The following GALNT17 variants were observed in gnomAD, a reference collection of about 807,000 sequenced individuals.
GALNT17 encodes UDP-GalNAc:polypeptide N-acetylgalactosaminyltransferase-like 3.
Under a neutral mutation model 63.7 loss-of-function variants are expected in GALNT17, and 29 were observed. That is an observed-to-expected ratio of 0.46 (90% CI 0.34 to 0.62). GALNT17 has a LOEUF of 0.62. GALNT17 is among the 20% of genes least tolerant of loss of function. The pLI, the probability that GALNT17 is intolerant of heterozygous loss-of-function variation, is 0.01. For missense variants in GALNT17, 603 were observed against 799.6 expected (o/e 0.75, Z 2.97); for synonymous variants, 305 against 318.3 (o/e 0.96, Z 0.45).
chr7:71,646,401 C>G (rs1790676539), intron 6 of GALNT17, among the ~76,000 whole-genome samples: 1 of 152,176 alleles, frequency 6.6e-6, no homozygotes, highest in Non-Finnish European at 1.5e-5. Flanking sequence ...GCACCAGCAG[C>G]CCCAGCCACA....
chr7:71,463,090 G>A lies in GALNT17; in HGVS notation c.962+41985G>A, dbSNP rs542822766. ...AGGGTTCTGGAATGGGCTGAAGTGT[G>A]GAGATTGTTGATTGGTGGAAGAGTG... is the stretch of plus-strand genomic sequence containing the variant. On this transcript the variant is annotated intron_variant, in intron 5 of 10. Transcript: ENST00000333538. Among the ~76,000 whole-genome samples the A allele has an allele frequency of 3.8e-4, 58 of 152,308 alleles. 1 individual carries two copies. Among genetic ancestry groups the A allele is most frequent in the Non-Finnish European group, 7.2e-4 (49 of 68,040 alleles).
chr7:71,300,477 G>T (rs372224549), intron 1 of GALNT17: 9 of 452,632 alleles, frequency 2.0e-5, no homozygotes, highest in South Asian at 1.1e-4. Flanking sequence ...GGATGTTCAT[G>T]AGCTTGGACA....
chr7:71,685,790 T>C (rs561446804), intron 9 of GALNT17: 10 of 152,206 alleles, frequency 6.6e-5, no homozygotes, highest in African/African-American at 2.4e-4. Flanking sequence ...TTAGGCCATA[T>C]AGGTGGTGAT....
chr7:71,446,057 T>G lies in GALNT17; in HGVS notation c.962+24952T>G, dbSNP rs186813075. 5.3e-3 allele frequency among the ~76,000 whole-genome samples: 811 copies of G among 152,264 alleles called. 3 individuals are homozygous for G. The highest frequency in any genetic ancestry group is 8.0e-3 in the Non-Finnish European group (541 of 68,030). On this transcript the variant is annotated intron_variant, in intron 5 of 10. Coordinates refer to ENST00000333538, the MANE Select transcript of GALNT17 (RefSeq NM_022479.3). ...GCAGAGGCTTAAATCTTAAATTATA[T>G]GAGGAGGGAGGAGCAGAGGCTGGCA...
intron 5 of GALNT17, among the ~76,000 whole-genome samples, chr7:71,528,305 G>A (rs890679008): frequency 2.0e-5 from 3 of 152,190 alleles, no homozygotes; most frequent in African/African-American, 7.2e-5. Context: ...CCATCTGGGA[G>A]TCTGCCATTA....
At chr7:71,701,480 C>CT (rs1192737366) in intron 9 of GALNT17, among the ~76,000 whole-genome samples, 1 of 150,730 alleles carries the variant, frequency 6.6e-6, no homozygotes, top group Admixed American at 6.6e-5. Flanking sequence ...GAGTGAGACT[C>CT]TATCTCAAAA....
At chr7:71,510,585 C>T (rs1297828010) in intron 5 of GALNT17, among the ~76,000 whole-genome samples, 7 of 152,116 alleles carry the variant, frequency 4.6e-5, no homozygotes, top group Admixed American at 3.9e-4. Flanking sequence ...ATCAAAAGGC[C>T]CTGGAAGCCA....
intron 5 of GALNT17, among the ~76,000 whole-genome samples, chr7:71,470,841 T>A (rs1465238963): frequency 6.6e-6 from 1 of 152,160 alleles, no homozygotes; most frequent in Non-Finnish European, 1.5e-5. Context: ...TGTCCTTTTT[T>A]AAAAACTCTT....
intron 5 of GALNT17, among the ~76,000 whole-genome samples, chr7:71,538,301 A>G (rs920494969): frequency 1.3e-5 from 2 of 152,234 alleles, no homozygotes; most frequent in African/African-American, 4.8e-5. Flanking sequence ...TGCCACGGCT[A>G]TTTCAAGCAC....
intron 1 of GALNT17, among the ~76,000 whole-genome samples, chr7:71,289,733 G>T (rs570397840): frequency 6.6e-6 from 1 of 152,254 alleles, no homozygotes; most frequent in African/African-American, 2.4e-5. Flanking sequence ...AACAAAATTA[G>T]CCAGGCGTGG....
intron 3 of GALNT17, among the ~76,000 whole-genome samples, chr7:71,397,246 G>T (rs1456620127): frequency 6.6e-6 from 1 of 152,076 alleles, no homozygotes; most frequent in Non-Finnish European, 1.5e-5. Flanking sequence ...GGAGAAGACG[G>T]CTAAGTCATG....
At chr7:71,201,799 T>G (rs1789178705) in intron 1 of GALNT17, among the ~76,000 whole-genome samples, 1 of 151,962 alleles carries the variant, frequency 6.6e-6, no homozygotes, top group Admixed American at 6.6e-5. Flanking sequence ...ACCCAGCTAA[T>G]TTTTGTTATT....
chr7:71,419,274 A>G (rs1786615404), intron 4 of GALNT17, among the ~76,000 whole-genome samples: 1 of 152,164 alleles, frequency 6.6e-6, no homozygotes. Flanking sequence ...GCTAGGTTAG[A>G]AACCTCCTTC....
At chr7:71,492,100 T>C (rs1788020228) in intron 5 of GALNT17, among the ~76,000 whole-genome samples, 1 of 152,066 alleles carries the variant, frequency 6.6e-6, no homozygotes, top group African/African-American at 2.4e-5. Flanking sequence ...GCCAACATGG[T>C]GAAACCCCGT....
intron 3 of GALNT17, among the ~76,000 whole-genome samples, chr7:71,405,182 A>G (rs553995724): frequency 6.6e-6 from 1 of 152,340 alleles, no homozygotes; most frequent in Admixed American, 6.5e-5. Context: ...GCAGCTTTGT[A>G]TTAGCAGACA....
At chr7:71,146,013 G>A (rs535052151) in intron 1 of GALNT17, among the ~76,000 whole-genome samples, 1 of 151,576 alleles carries the variant, frequency 6.6e-6, no homozygotes, top group African/African-American at 2.4e-5. Context: ...GCCCGTATGG[G>A]TTTTTTTTTA....
At chr7:71,141,679 C>CTTTT (rs772422312) in intron 1 of GALNT17, among the ~76,000 whole-genome samples, 34 of 139,422 alleles carry the variant, frequency 2.4e-4, no homozygotes, top group Non-Finnish European at 4.2e-4. Context: ...TTCTTTCTTT[C>CTTTT]TTTTTTTTTT....
intron 1 of GALNT17, among the ~76,000 whole-genome samples, chr7:71,212,164 T>G (rs1305609283): frequency 6.6e-6 from 1 of 152,212 alleles, no homozygotes; most frequent in African/African-American, 2.4e-5. Flanking sequence ...GTCCCTGTGC[T>G]GTGTGCAGCC....
At chr7:71,431,306 G>A (rs1786862374) in intron 5 of GALNT17, among the ~76,000 whole-genome samples, 2 of 148,724 alleles carry the variant, frequency 1.3e-5, no homozygotes, top group Non-Finnish European at 3.0e-5. Flanking sequence ...CACCTCCCGG[G>A]TTCAAGTGAT....
Sources: gnomAD v4.1 joint callset for allele counts (sites outside exome capture counted in the v4.1 genomes callset) on GRCh38, gnomAD v4.1.1 for gene constraint, MANE v1.5 for transcripts, NCBI Gene and HGNC (gene_info 2026-07-23, HGNC 2026-07-21) for gene names.